The following SLC35F1 variants were observed in gnomAD, a reference collection of about 807,000 sequenced individuals.
SLC35F1 encodes solute carrier family 35 member F1.
A neutral mutation model predicts 48.7 loss-of-function variants in SLC35F1; 14 were observed. The ratio of observed to expected loss-of-function variants is 0.29; its 90% CI spans 0.19 to 0.45. SLC35F1 has a LOEUF of 0.45. Ranked by LOEUF, SLC35F1 falls within the 20% of genes least tolerant of loss-of-function variation. The pLI is 1.00. For missense variants in SLC35F1, 404 were observed against 500.0 expected, an observed-to-expected ratio of 0.81 and a Z score of 1.83; for synonymous variants, 190 against 202.2, an observed-to-expected ratio of 0.94 and a Z score of 0.51.
intron 7 of SLC35F1, among the ~76,000 whole-genome samples, chr6:118,296,319 G>T (rs911557464): frequency 2.0e-5 from 3 of 152,208 alleles, no homozygotes; most frequent in Non-Finnish European, 4.4e-5. Context: ...GGAGTCCTCT[G>T]TGGGACTCCT....
At chr6:117,908,055 C>T (rs1775716316) in intron 1 of SLC35F1, among the ~76,000 whole-genome samples, 156 bp downstream of exon 1, 1 of 152,198 alleles carries the variant, frequency 6.6e-6, no homozygotes. Flanking sequence ...TCCGCGGGCG[C>T]AGAGAGGCCG....
intron 4 of SLC35F1, among the ~76,000 whole-genome samples, chr6:118,268,602 T>TATATATATATATA (rs61026674): frequency 4.2e-5 from 2 of 47,210 alleles, no homozygotes; most frequent in Non-Finnish European, 7.0e-5. Context: ...ATATATATAT[T>TATATATATATATA]TTTTTTTTTT....
At chr6:118,089,738 C>T (rs1350036164) in intron 1 of SLC35F1, among the ~76,000 whole-genome samples, 2 of 152,182 alleles carry the variant, frequency 1.3e-5, no homozygotes, top group Admixed American at 1.3e-4. Flanking sequence ...AATGTCATCT[C>T]TTTCACCATG....
intron 1 of SLC35F1, among the ~76,000 whole-genome samples, chr6:117,935,812 A>G (rs1776156297): frequency 6.6e-6 from 1 of 152,110 alleles, no homozygotes; most frequent in Non-Finnish European, 1.5e-5. Flanking sequence ...ATGTTGTGTG[A>G]CTCAAATTTT....
chr6:118,217,932 G>A (rs955031967), intron 2 of SLC35F1, among the ~76,000 whole-genome samples: 10 of 152,138 alleles, frequency 6.6e-5, no homozygotes, highest in African/African-American at 2.2e-4. Context: ...AGGGCATCAT[G>A]AAGACATCAA....
chr6:117,927,588 G>T (rs1776045137), intron 1 of SLC35F1, among the ~76,000 whole-genome samples: 1 of 152,204 alleles, frequency 6.6e-6, no homozygotes, highest in African/African-American at 2.4e-5. Context: ...AGAACATTCT[G>T]CAGAGACACA....
At chr6:118,231,212 T>C (rs1775288944) in intron 2 of SLC35F1, among the ~76,000 whole-genome samples, 1 of 152,218 alleles carries the variant, frequency 6.6e-6, no homozygotes, top group Non-Finnish European at 1.5e-5. Flanking sequence ...TATTTTAACA[T>C]ATTGATAATA....
chr6:118,235,788 G>T, intron 3 of SLC35F1, 152 bp downstream of exon 3: 1 of 650,764 alleles, frequency 1.5e-6, no homozygotes, highest in Non-Finnish European at 2.2e-6. Flanking sequence ...TATACTATAA[G>T]TCTATGAGTT....
chr6:117,935,194 T>C (rs1485991694), intron 1 of SLC35F1, among the ~76,000 whole-genome samples: 2 of 152,226 alleles, frequency 1.3e-5, no homozygotes, highest in Non-Finnish European at 2.9e-5. Flanking sequence ...CTATCTATCT[T>C]TTCCATTGGA....
intron 1 of SLC35F1, among the ~76,000 whole-genome samples, chr6:117,946,035 C>T (rs1187661433): frequency 6.6e-6 from 1 of 152,168 alleles, no homozygotes; most frequent in Non-Finnish European, 1.5e-5. Context: ...AGAACAGAAA[C>T]TCTCTTTCTT....
chr6:118,041,838 C>T (rs1351142063), intron 1 of SLC35F1, among the ~76,000 whole-genome samples: 3 of 151,858 alleles, frequency 2.0e-5, no homozygotes, highest in South Asian at 2.1e-4. Flanking sequence ...GGAAAGGCAG[C>T]GGGTTAGAGA....
chr6:118,053,315 G>A (rs758797303), intron 1 of SLC35F1, among the ~76,000 whole-genome samples: 1 of 152,144 alleles, frequency 6.6e-6, no homozygotes, highest in Non-Finnish European at 1.5e-5. Flanking sequence ...ATGAGGGTAT[G>A]TGATAATAAT....
chr6:118,195,159 C>G (rs988194849), intron 2 of SLC35F1, among the ~76,000 whole-genome samples: 4 of 152,132 alleles, frequency 2.6e-5, no homozygotes, highest in African/African-American at 9.7e-5. Context: ...GGCCTCTAAC[C>G]CAAACTTATC....
At chr6:117,917,842 GA>G (rs1775846538) in intron 1 of SLC35F1, among the ~76,000 whole-genome samples, 1 of 138,558 alleles carries the variant, frequency 7.2e-6, no homozygotes, top group Non-Finnish European at 1.7e-5. Context: ...TAGAGAGAAA[GA>G]GGGGTACCAA....
intron 3 of SLC35F1, 135 bp from the exon 4 acceptor site, chr6:118,266,860 G>C: frequency 2.3e-6 from 2 of 857,660 alleles, no homozygotes; most frequent in East Asian, 4.9e-5. Flanking sequence ...AGTACATCAA[G>C]TCTGGGTCTA....
At chr6:118,015,118 A>T (rs1777303128) in intron 1 of SLC35F1, among the ~76,000 whole-genome samples, 1 of 152,140 alleles carries the variant, frequency 6.6e-6, no homozygotes, top group South Asian at 2.1e-4. Context: ...GCCACGTAAG[A>T]CATGCTTTTC....
intron 1 of SLC35F1, among the ~76,000 whole-genome samples, chr6:117,955,980 C>T (rs1051066324): frequency 2.0e-5 from 3 of 152,200 alleles, no homozygotes; most frequent in Non-Finnish European, 4.4e-5. Context: ...TTAAGAGAAA[C>T]AGCATGAGGG....
chr6:118,070,573 A>G (rs1299596963), intron 1 of SLC35F1, among the ~76,000 whole-genome samples: 1 of 151,988 alleles, frequency 6.6e-6, no homozygotes, highest in African/African-American at 2.4e-5. Flanking sequence ...ATTCCTTCCT[A>G]TTGCACCACA....
At chr6:117,970,899 G>A (rs1440228856) in intron 1 of SLC35F1, among the ~76,000 whole-genome samples, 2 of 152,110 alleles carry the variant, frequency 1.3e-5, no homozygotes, top group African/African-American at 2.4e-5. Context: ...TTTTGGTGGG[G>A]ACACAGCCAA....
Sources: gnomAD v4.1 joint callset for allele counts (sites outside exome capture counted in the v4.1 genomes callset) on GRCh38, gnomAD v4.1.1 for gene constraint, MANE v1.5 for transcripts, NCBI Gene and HGNC (gene_info 2026-07-23, HGNC 2026-07-21) for gene names.